The following PRPSAP1 variants were observed in gnomAD, a reference collection of about 807,000 sequenced individuals.
PRPSAP1 encodes the protein phosphoribosyl pyrophosphate synthase-associated protein 1.
A neutral mutation model predicts 39.4 loss-of-function variants in PRPSAP1; 31 were observed. The ratio of observed to expected loss-of-function variants is 0.79; its 90% CI spans 0.59 to 1.06. PRPSAP1 has a LOEUF of 1.06. Ranked by LOEUF, PRPSAP1 falls within the 50% of genes least tolerant of loss-of-function variation. The pLI, the probability that PRPSAP1 is intolerant of heterozygous loss-of-function variation, is 0.00. For synonymous variants in PRPSAP1, 212 were observed against 192.6 expected, an observed-to-expected ratio of 1.10 and a Z score of -0.83; for missense variants, 430 against 511.6, an observed-to-expected ratio of 0.84 and a Z score of 1.54.
Position 76,313,892 on chromosome 17 carries a change from C to G in PRPSAP1, c.782-1G>C. On this transcript the variant is annotated splice_acceptor_variant, in intron 7 of 9. Coordinates refer to ENST00000446526, the MANE Select transcript of PRPSAP1 (RefSeq NM_002766.3). LOFTEE classifies it high-confidence loss of function. The stretch of plus-strand genomic sequence containing the variant: ...GGTGGCTTCTCTTTGGCCATCATCA[C>G]TAGCAAAACAAAACAAATTACAAGA... The G allele has an allele frequency of 6.2e-7, 1 of 1,614,136 alleles. No homozygotes were observed. Among genetic ancestry groups the G allele is most frequent in the Non-Finnish European group, 8.5e-7 (1 of 1,180,012 alleles).
At chr17:76,336,924 T>C (rs553550395) in intron 3 of PRPSAP1, among the ~76,000 whole-genome samples, 1 of 152,094 alleles carries the variant, frequency 6.6e-6, no homozygotes, top group South Asian at 2.1e-4. Flanking sequence ...ACCGGACAAA[T>C]TGGACACCAG....
At chr17:76,347,678 T>C (rs919991171) in intron 2 of PRPSAP1, among the ~76,000 whole-genome samples, 1 of 151,802 alleles carries the variant, frequency 6.6e-6, no homozygotes, top group Non-Finnish European at 1.5e-5. Flanking sequence ...AAGGGTTTCA[T>C]CTACTTGTTT....
rs1328018732 is a variant in PRPSAP1, at chr17:76,353,838, G to A, written c.-135C>T. 2.9e-6 allele frequency: 4 copies of A among 1,379,220 alleles called. No homozygotes were observed. Among genetic ancestry groups the A allele is most frequent in the South Asian group, 1.6e-5 (1 of 60,782 alleles). 85.4% of individuals were successfully genotyped at this position (1,379,220 alleles called of 1,614,324 possible). ...AAGCGGGGAGAGCTCCGAGGTCCGT[G>A]CCCTTGCGCACCCCACACCACTGAC... On this transcript the variant is annotated 5_prime_UTR_variant, in exon 1 of 10. Coordinates refer to ENST00000446526, the MANE Select transcript of PRPSAP1 (RefSeq NM_002766.3).
At chr17:76,336,591 G>C (rs1472926000) in intron 3 of PRPSAP1, among the ~76,000 whole-genome samples, 1 of 151,314 alleles carries the variant, frequency 6.6e-6, no homozygotes, top group Non-Finnish European at 1.5e-5. Context: ...AATTAGCCAG[G>C]CATGGTGGTG....
chr17:76,341,668 C>T (rs28547366), intron 3 of PRPSAP1, among the ~76,000 whole-genome samples: 3,466 of 152,236 alleles, frequency 0.023, 133 homozygotes, highest in African/African-American at 0.08. Context: ...GGCTGGGCAC[C>T]GTGGCTCACG....
chr17:76,349,399 T>A (rs2071544237), intron 1 of PRPSAP1, among the ~76,000 whole-genome samples: 1 of 152,086 alleles, frequency 6.6e-6, no homozygotes, highest in Non-Finnish European at 1.5e-5. Flanking sequence ...AGTGTGAGGT[T>A]TTAAGTCCTG....
At chr17:76,348,270 T>C (rs1176654605) in intron 2 of PRPSAP1, among the ~76,000 whole-genome samples, 2 of 151,824 alleles carry the variant, frequency 1.3e-5, no homozygotes, top group African/African-American at 4.8e-5. Flanking sequence ...GTCAGGAGTT[T>C]GAGACCAGCC....
At chr17:76,334,497 G>T (rs1189330422) in intron 3 of PRPSAP1, among the ~76,000 whole-genome samples, 3 of 152,140 alleles carry the variant, frequency 2.0e-5, no homozygotes, top group African/African-American at 7.2e-5. Flanking sequence ...GTGCATTTGG[G>T]AGTGAGCGAT....
chr17:76,320,971 C>T (rs2143471478), intron 7 of PRPSAP1, among the ~76,000 whole-genome samples: 1 of 151,552 alleles, frequency 6.6e-6, no homozygotes, highest in Non-Finnish European at 1.5e-5. Flanking sequence ...TTTGTAGAGA[C>T]AAGGTTTCAC....
At chr17:76,329,017 T>G (rs1334715751) in intron 6 of PRPSAP1, 155 bp from the exon 7 acceptor site, 1 of 877,408 alleles carries the variant, frequency 1.1e-6, no homozygotes, top group Non-Finnish European at 1.7e-6. Flanking sequence ...CAGGCCAGCA[T>G]GTAAATGACT....
intron 7 of PRPSAP1, among the ~76,000 whole-genome samples, chr17:76,320,353 A>AAGGAAGAAAGAT (rs149763636): frequency 0.28 from 32,545 of 117,920 alleles, 5,489 homozygotes; most frequent in African/African-American, 0.54. Context: ...GGAAGGAAGG[A>AAGGAAGAAAGAT]AGAAAAAGGA....
chr17:76,315,214 T>C (rs2143452140), intron 7 of PRPSAP1, among the ~76,000 whole-genome samples: 1 of 152,300 alleles, frequency 6.6e-6, no homozygotes, highest in East Asian at 1.9e-4. Flanking sequence ...GAAATAAGAT[T>C]TTATCCTCAA....
intron 7 of PRPSAP1, among the ~76,000 whole-genome samples, chr17:76,324,238 T>A (rs987748878): frequency 2.0e-4 from 30 of 152,110 alleles, no homozygotes; most frequent in South Asian, 1.0e-3. Flanking sequence ...GTGTTCACGC[T>A]TACATGTGAG....
intron 5 of PRPSAP1, 32 bp downstream of exon 5, chr17:76,330,519 G>A (rs746944280): frequency 2.1e-6 from 3 of 1,458,568 alleles, no homozygotes; most frequent in South Asian, 2.4e-5. Flanking sequence ...TCTCTTTTGA[G>A]GACAATGGGG....
chr17:76,314,342 G>A (rs1004379631), intron 7 of PRPSAP1: 5 of 197,350 alleles, frequency 2.5e-5, no homozygotes, highest in South Asian at 8.0e-5. Context: ...TCAGCCTCCC[G>A]AGTAGCTGGG....
chr17:76,318,062 G>C (rs2071143586), intron 7 of PRPSAP1, among the ~76,000 whole-genome samples: 1 of 152,120 alleles, frequency 6.6e-6, no homozygotes, highest in East Asian at 1.9e-4. Context: ...CAGCACCCCA[G>C]CTCCCATGGT....
At chr17:76,320,335 G>GGGA (rs2071179972) in intron 7 of PRPSAP1, among the ~76,000 whole-genome samples, 1 of 124,044 alleles carries the variant, frequency 8.1e-6, no homozygotes, top group Non-Finnish European at 1.6e-5. Context: ...AAGGGAGGGA[G>GGGA]GGAGGGAGGA....
Position 76,328,711 on chromosome 17 carries a change from T to C in PRPSAP1, c.781+6A>G, listed in dbSNP as rs2143494854. On this transcript the variant is annotated splice_donor_region_variant and intron_variant, in intron 7 of 9. Coordinates refer to ENST00000446526, the MANE Select transcript of PRPSAP1 (RefSeq NM_002766.3). ...AAATAAAATAAAAACACAGAGCTCA[T>C]CTTACATGGCAACTCCAGGCCTGGG... The C allele has an allele frequency of 6.2e-7, 1 of 1,611,994 alleles. No individual in the cohort carries two copies. The highest frequency in any genetic ancestry group is 1.1e-5 in the South Asian group (1 of 90,616).
chr17:76,324,954 G>A (rs4581727), intron 7 of PRPSAP1, among the ~76,000 whole-genome samples: 2,482 of 151,498 alleles, frequency 0.016, 56 homozygotes, highest in African/African-American at 0.052. Flanking sequence ...TGTAGTCCCA[G>A]CTACTTGGGA....
Sources: gnomAD v4.1 joint callset for allele counts (sites outside exome capture counted in the v4.1 genomes callset) on GRCh38, gnomAD v4.1.1 for gene constraint, MANE v1.5 for transcripts, NCBI Gene and HGNC (gene_info 2026-07-23, HGNC 2026-07-21) for gene names.